XKR4: variants seen among roughly 807,000 people sequenced by gnomAD.
The protein encoded by XKR4 is XK-related protein 4.
A neutral mutation model predicts 53.9 loss-of-function variants in XKR4; 12 were observed. That is an observed-to-expected ratio of 0.22 (90% confidence interval 0.14 to 0.36). The LOEUF is 0.36. Among genes scored for constraint, XKR4 ranks in the 10% least tolerant of loss-of-function variants. The pLI is 1.00. For synonymous variants in XKR4, 354 were observed against 362.4 expected, an observed-to-expected ratio of 0.98 and a Z score of 0.26; for missense variants, 799 against 859.5, an observed-to-expected ratio of 0.93 and a Z score of 0.88.
rs1405653397 is a variant in XKR4 at position 55,199,581 on chromosome 8, G to T, written c.806+96287G>T. ...AGAGGCTCAGGGATATTAACCACCT[G>T]CGCAGAGTTTCAGAGTTCATAAGTA... On this transcript the variant is annotated intron_variant, in intron 1 of 2. Transcript: ENST00000327381. Among the ~76,000 whole-genome samples the T allele has an allele frequency of 2.0e-5, 3 of 152,172 alleles. No individual in the cohort carries two copies. The East Asian group carries it at 5.8e-4, about 29-fold the overall frequency.
intron 2 of XKR4, among the ~76,000 whole-genome samples, chr8:55,472,274 TG>T (rs780339355): frequency 3.3e-5 from 5 of 152,120 alleles, no homozygotes; most frequent in Non-Finnish European, 5.9e-5. Flanking sequence ...TAATCATCTG[TG>T]TGTCTGTAAA....
At chr8:55,374,349 G>A (rs915945592) in intron 2 of XKR4, among the ~76,000 whole-genome samples, 5 of 152,214 alleles carry the variant, frequency 3.3e-5, no homozygotes, top group Admixed American at 6.5e-5. Context: ...AAGTGCTTAA[G>A]TGGTCCTGGG....
intron 1 of XKR4, among the ~76,000 whole-genome samples, chr8:55,217,738 T>TTAGATAGATAGA (rs71256520): frequency 5.8e-4 from 87 of 149,362 alleles, no homozygotes; most frequent in Middle Eastern, 3.4e-3. Flanking sequence ...GGAAGACAGA[T>TTAGATAGATAGA]TAGATAGATA....
intron 2 of XKR4, among the ~76,000 whole-genome samples, chr8:55,437,421 C>T (rs984990189): frequency 7.2e-5 from 11 of 152,124 alleles, no homozygotes; most frequent in African/African-American, 2.7e-4. Context: ...AGTAGAGATA[C>T]AGCTGACAGT....
chr8:55,454,640 C>A, intron 2 of XKR4: 2 of 1,084,740 alleles, frequency 1.8e-6, no homozygotes, highest in Middle Eastern at 2.3e-4. Flanking sequence ...GCCAGGGGCA[C>A]GGTGCACGTC....
chr8:55,334,052 T>C (rs1803418107), intron 1 of XKR4, among the ~76,000 whole-genome samples: 1 of 152,170 alleles, frequency 6.6e-6, no homozygotes, highest in Admixed American at 6.5e-5. Flanking sequence ...TAGTGTACCA[T>C]GTTTCTGACA....
chr8:55,292,181 C>T (rs1009515817), intron 1 of XKR4, among the ~76,000 whole-genome samples: 1 of 152,060 alleles, frequency 6.6e-6, no homozygotes, highest in African/African-American at 2.4e-5. Flanking sequence ...TAGGGTAATA[C>T]TAGCTTTATA....
chr8:55,297,792 G>C lies in XKR4; in HGVS notation c.807-59886G>C, dbSNP rs572059062. 4.6e-5 allele frequency among the ~76,000 whole-genome samples: 7 copies of C among 152,308 alleles called. No homozygotes were observed. The East Asian group carries it at 1.3e-3, about 29-fold the overall frequency. On this transcript the variant is annotated intron_variant, in intron 1 of 2. Transcript: ENST00000327381. ...CCCAGATCCTATCAACTGAAGCTTT[G>C]GGGAAGATGGACCTATTGGCTTTCT...
At chr8:55,342,832 G>T (rs1287903927) in intron 1 of XKR4, among the ~76,000 whole-genome samples, 1 of 152,096 alleles carries the variant, frequency 6.6e-6, no homozygotes, top group Non-Finnish European at 1.5e-5. Flanking sequence ...GCATAAACTT[G>T]TATATTTTAT....
chr8:55,319,603 T>C (rs980805072), intron 1 of XKR4, among the ~76,000 whole-genome samples: 5 of 152,200 alleles, frequency 3.3e-5, no homozygotes, highest in African/African-American at 1.2e-4. Flanking sequence ...TGCAATCTTG[T>C]TTCTGGAAGA....
chr8:55,474,649 G>A (rs1470894773), intron 2 of XKR4, among the ~76,000 whole-genome samples: 2 of 152,124 alleles, frequency 1.3e-5, no homozygotes, highest in Admixed American at 6.6e-5. Context: ...CAGATGCTGA[G>A]TATCCATCTC....
chr8:55,509,192 G>A (rs1806586250), intron 2 of XKR4, among the ~76,000 whole-genome samples: 1 of 152,120 alleles, frequency 6.6e-6, no homozygotes, highest in Admixed American at 6.5e-5. Context: ...CTCTGAACAG[G>A]TGTGTGAGGC....
intron 1 of XKR4, among the ~76,000 whole-genome samples, chr8:55,139,253 A>T (rs1175422891): frequency 1.3e-5 from 2 of 152,204 alleles, no homozygotes; most frequent in East Asian, 3.9e-4. Context: ...GTGCTGGCTT[A>T]GGCCGGGTGC....
At chr8:55,188,114 T>G (rs1266595504) in intron 1 of XKR4, among the ~76,000 whole-genome samples, 1 of 152,218 alleles carries the variant, frequency 6.6e-6, no homozygotes, top group African/African-American at 2.4e-5. Flanking sequence ...GACATATTTT[T>G]AAGTAGACAC....
At chr8:55,475,918 C>T (rs28535912) in intron 2 of XKR4, among the ~76,000 whole-genome samples, 52,003 of 151,622 alleles carry the variant, frequency 0.34, 10,861 homozygotes, top group African/African-American at 0.6. Context: ...CACTATTTTT[C>T]TAATTTTCTG....
intron 1 of XKR4, among the ~76,000 whole-genome samples, chr8:55,122,725 T>C (rs1349117461): frequency 6.6e-6 from 1 of 152,182 alleles, no homozygotes; most frequent in East Asian, 1.9e-4. Context: ...TGAGATGCAA[T>C]AACAATTGAA....
At chr8:55,228,860 C>G (rs1817992639) in intron 1 of XKR4, among the ~76,000 whole-genome samples, 1 of 151,988 alleles carries the variant, frequency 6.6e-6, no homozygotes, top group Non-Finnish European at 1.5e-5. Context: ...CACACACACA[C>G]ACACACACAC....
intron 1 of XKR4, among the ~76,000 whole-genome samples, chr8:55,246,622 G>A (rs1389156432): frequency 1.3e-5 from 2 of 152,038 alleles, no homozygotes; most frequent in Non-Finnish European, 2.9e-5. Context: ...TTCAATCTGG[G>A]ATGGATAAAG....
chr8:55,400,581 G>C (rs1339323651), intron 2 of XKR4, among the ~76,000 whole-genome samples: 2 of 152,162 alleles, frequency 1.3e-5, no homozygotes, highest in African/African-American at 4.8e-5. Context: ...TTGAGGAGAA[G>C]ATGGCAGAGA....
Sources: gnomAD v4.1 joint callset for allele counts (sites outside exome capture counted in the v4.1 genomes callset) on GRCh38, gnomAD v4.1.1 for gene constraint, MANE v1.5 for transcripts, NCBI Gene and HGNC (gene_info 2026-07-23, HGNC 2026-07-21) for gene names.